Variants in ARHGEF10L observed in about 807,000 individuals in gnomAD.
ARHGEF10L encodes the protein Rho guanine nucleotide exchange factor 10 like, also known as rho guanine nucleotide exchange factor 10-like protein.
A neutral mutation model predicts 141.2 loss-of-function variants in ARHGEF10L; 69 were observed. The ratio of observed to expected loss-of-function variants is 0.49; its 90% CI spans 0.40 to 0.60. The LOEUF is 0.60. ARHGEF10L is among the 20% of genes least tolerant of loss of function. The pLI, the probability that ARHGEF10L is intolerant of heterozygous loss-of-function variation, is 0.00. For missense variants in ARHGEF10L, 1,482 were observed against 1,734.3 expected (o/e 0.85, Z 2.58); for synonymous variants, 711 against 718.5 (o/e 0.99, Z 0.17).
chr1:17,519,153 C>A, the ARHGEF10L span, among the ~76,000 whole-genome samples: 1 of 151,544 alleles, frequency 6.6e-6, no homozygotes, highest in Admixed American at 6.6e-5. Context: ...CCAGCCTGGG[C>A]AACAAGAGTG....
Position 17,661,799 on chromosome 1 carries a change from G to C in ARHGEF10L, c.2861-2648G>C, listed in dbSNP as rs2062646781. 2.0e-5 allele frequency among the ~76,000 whole-genome samples: 3 copies of C among 152,250 alleles called. No homozygotes were observed. The South Asian group carries it at 6.2e-4, about 32-fold the overall frequency. ...TGCATTTTCTTGGCTCCAGCCTCCT[G>C]CTGTGGACCAGCATCCCTGGCGGAG... On this transcript the variant is annotated intron_variant, in intron 25 of 28. Coordinates refer to ENST00000361221, the MANE Select transcript of ARHGEF10L (RefSeq NM_018125.4).
At chr1:17,601,635 G>A (rs757249064) in intron 4 of ARHGEF10L, among the ~76,000 whole-genome samples, 4 of 152,206 alleles carry the variant, frequency 2.6e-5, no homozygotes, top group East Asian at 1.9e-4. Context: ...TAGTAGAGAC[G>A]GAGTTCCACC....
intron 4 of ARHGEF10L, among the ~76,000 whole-genome samples, chr1:17,597,755 C>T (rs1185978665): frequency 2.6e-5 from 4 of 152,168 alleles, no homozygotes; most frequent in Non-Finnish European, 5.9e-5. Context: ...CCCCCATTCC[C>T]CAGCCCAGTA....
chr1:17,580,924 G>A (rs1417015396), intron 2 of ARHGEF10L, among the ~76,000 whole-genome samples: 1 of 152,160 alleles, frequency 6.6e-6, no homozygotes, highest in African/African-American at 2.4e-5. Context: ...TATAAATCAG[G>A]GGTGAGGAAC....
intron 26 of ARHGEF10L, among the ~76,000 whole-genome samples, chr1:17,677,651 G>T (rs573486382): frequency 6.6e-6 from 1 of 152,194 alleles, no homozygotes; most frequent in East Asian, 1.9e-4. Context: ...TAAGACTCAT[G>T]GGTCCCAGAG....
intron 8 of ARHGEF10L, 122 bp downstream of exon 8, chr1:17,613,296 G>T (rs2059642491): frequency 6.4e-6 from 5 of 777,324 alleles, no homozygotes; most frequent in African/African-American, 3.5e-5. Context: ...GAGTCCCAGG[G>T]CTGTCCTGAG....
chr1:17,661,956 C>T (rs1048314360), intron 25 of ARHGEF10L, among the ~76,000 whole-genome samples: 1 of 152,208 alleles, frequency 6.6e-6, no homozygotes, highest in Non-Finnish European at 1.5e-5. Flanking sequence ...GAGTTCAAAA[C>T]CCGTCTGGCC....
At chr1:17,645,048 G>A (rs2061517232) in intron 21 of ARHGEF10L, among the ~76,000 whole-genome samples, 3 of 152,144 alleles carry the variant, frequency 2.0e-5, no homozygotes, top group Non-Finnish European at 4.4e-5. Context: ...AGGGTAGCGG[G>A]GGATCTGCAA....
At position 17,637,273 on chromosome 1, in the gene ARHGEF10L, C is replaced by T. The variant is rs1189713728; in HGVS notation, c.1928-615C>T. ...TCAAGCCACAGTGCCTTTGCACACGCTCTTGTCTTTCTCTCCTGGCAGTGC... is the reference window on the plus strand; with the variant it reads ...TCAAGCCACAGTGCCTTTGCACACGTTCTTGTCTTTCTCTCCTGGCAGTGC... On this transcript the variant is annotated intron_variant, in intron 18 of 28. Transcript: ENST00000361221. 2.0e-5 allele frequency among the ~76,000 whole-genome samples: 3 copies of T among 152,308 alleles called. No homozygotes were observed. In the East Asian group the frequency reaches 5.8e-4, roughly 29 times the overall value.
rs1179303163 is a variant in ARHGEF10L, at chr1:17,555,160, A to G, written c.-44+15210A>G. Among the ~76,000 whole-genome samples the G allele has an allele frequency of 3.9e-5, 6 of 152,312 alleles. No homozygotes were observed. The South Asian group carries it at 1.0e-3, about 26-fold the overall frequency. On this transcript the variant is annotated intron_variant, in intron 1 of 28. Coordinates refer to ENST00000361221, the MANE Select transcript of ARHGEF10L (RefSeq NM_018125.4). ...TGGTTTAAGCAGATTCTGAAATTGC[A>G]GCACTTCTCAGTGCCTTTAACATGT...
chr1:17,628,704 T>A (rs2060513799), intron 15 of ARHGEF10L, among the ~76,000 whole-genome samples: 1 of 152,192 alleles, frequency 6.6e-6, no homozygotes, highest in African/African-American at 2.4e-5. Context: ...GAAGCAGAAC[T>A]AAGGCCTATG....
intron 8 of ARHGEF10L, among the ~76,000 whole-genome samples, chr1:17,613,548 G>A (rs1006658985): frequency 1.3e-5 from 2 of 152,056 alleles, no homozygotes; most frequent in East Asian, 3.8e-4. Context: ...GGTCTGGGAC[G>A]AGGCTCAGGA....
At chr1:17,667,592 C>T (rs1429124635) in intron 26 of ARHGEF10L, among the ~76,000 whole-genome samples, 1 of 152,178 alleles carries the variant, frequency 6.6e-6, no homozygotes, top group South Asian at 2.1e-4. Flanking sequence ...GCTCAGGAAA[C>T]AGGAGGCAGG....
chr1:17,616,067 C>T, intron 8 of ARHGEF10L, 27 bp from the exon 9 acceptor site: 1 of 1,605,104 alleles, frequency 6.2e-7, no homozygotes, highest in Non-Finnish European at 8.5e-7. Context: ...CGTCCCTTCC[C>T]TGATGAGCCT....
the ARHGEF10L span, among the ~76,000 whole-genome samples, chr1:17,521,622 G>A: frequency 2.6e-5 from 4 of 152,238 alleles, no homozygotes; most frequent in Non-Finnish European, 4.4e-5. Flanking sequence ...CCCCAATGAG[G>A]TGTTGTTGTT....
At chr1:17,531,236 G>A in the ARHGEF10L span, among the ~76,000 whole-genome samples, 3 of 152,144 alleles carry the variant, frequency 2.0e-5, no homozygotes, top group African/African-American at 7.2e-5. Flanking sequence ...GGGACTCAGG[G>A]TTTTGGCAGA....
chr1:17,537,527 A>G (rs2076592380), upstream of ARHGEF10L, among the ~76,000 whole-genome samples: 1 of 152,192 alleles, frequency 6.6e-6, no homozygotes, highest in African/African-American at 2.4e-5. Flanking sequence ...CCAACTTACA[A>G]CAAAAGGACT....
upstream of ARHGEF10L, among the ~76,000 whole-genome samples, chr1:17,536,891 A>G (rs1192413580): frequency 6.6e-6 from 1 of 151,692 alleles, no homozygotes; most frequent in Non-Finnish European, 1.5e-5. Flanking sequence ...TTTTTTTCAG[A>G]GACAGAGTCA....
intron 1 of ARHGEF10L, among the ~76,000 whole-genome samples, chr1:17,540,880 G>C (rs2076702530): frequency 6.6e-6 from 1 of 152,184 alleles, no homozygotes; most frequent in African/African-American, 2.4e-5. Flanking sequence ...GGGAGAGAGG[G>C]CAGGTTGTGC....
Sources: gnomAD v4.1 joint callset for allele counts (sites outside exome capture counted in the v4.1 genomes callset) on GRCh38, gnomAD v4.1.1 for gene constraint, MANE v1.5 for transcripts, NCBI Gene and HGNC (gene_info 2026-07-23, HGNC 2026-07-21) for gene names.